Variants in DYSF observed in about 807,000 individuals in gnomAD.
DYSF encodes the protein dysferlin.
In DYSF, 212 loss-of-function variants were observed where a neutral mutation model predicts 274.9. The observed-to-expected ratio is 0.77, with a 90% CI of 0.69 to 0.86. DYSF has a LOEUF of 0.86. DYSF is among the 40% of genes least tolerant of loss of function. The probability of loss-of-function intolerance (pLI) is 0.00; values close to 1 mark genes in which losing one functional copy is unlikely to be tolerated. For missense variants in DYSF, 2,666 were observed against 2,783.2 expected, an observed-to-expected ratio of 0.96 and a Z score of 0.95; for synonymous variants, 1,091 against 1,078.7, an observed-to-expected ratio of 1.01 and a Z score of -0.22.
Position 71,539,143 on chromosome 2 carries a change from C to G in DYSF, c.1494-14C>G, listed in dbSNP as rs2089674637. ...CTTTCCTGTGTTCAGGCCCTCTCTG[C>G]TCCCTTGCTCTAGGGACCGCCTGAC... On this transcript the variant is annotated splice_polypyrimidine_tract_variant and intron_variant, in intron 16 of 55. Coordinates refer to ENST00000410020, the MANE Select transcript of DYSF (RefSeq NM_001130987.2). 6.2e-7 allele frequency: 1 copy of G among 1,613,090 alleles called. No homozygotes were observed. Among genetic ancestry groups the G allele is most frequent in the East Asian group, 2.2e-5 (1 of 44,870 alleles).
chr2:71,513,170 C>A (rs2086274629), intron 5 of DYSF, 70 bp from the exon 6 acceptor site: 1 of 1,403,842 alleles, frequency 7.1e-7, no homozygotes, highest in East Asian at 2.5e-5. Context: ...GATGGAGGTG[C>A]AGTAGGTTGG....
intron 3 of DYSF, among the ~76,000 whole-genome samples, chr2:71,494,377 G>T (rs958285976): frequency 3.9e-5 from 6 of 152,154 alleles, no homozygotes; most frequent in African/African-American, 2.4e-5. Context: ...TCAAGGTGTT[G>T]TCTGATTTTT....
chr2:71,455,402 G>A (rs1220644562), intron 1 of DYSF, among the ~76,000 whole-genome samples: 1 of 152,214 alleles, frequency 6.6e-6, no homozygotes, highest in African/African-American at 2.4e-5. Flanking sequence ...GGGGGTGGCT[G>A]TGGCACTCCA....
intron 2 of DYSF, among the ~76,000 whole-genome samples, 185 bp from the exon 3 acceptor site, chr2:71,481,694 C>CCA (rs1487129385): frequency 2.9e-3 from 393 of 137,582 alleles, no homozygotes; most frequent in Non-Finnish European, 3.8e-3. Flanking sequence ...TGGTCTTCAT[C>CCA]TATCCATCCA....
intron 34 of DYSF, 26 bp from the exon 35 acceptor site, chr2:71,601,473 C>T: frequency 6.2e-7 from 1 of 1,614,124 alleles, no homozygotes; most frequent in South Asian, 1.1e-5. Flanking sequence ...AAGCACATGA[C>T]CAGAGCTCTC....
intron 20 of DYSF, 55 bp from the exon 21 acceptor site, chr2:71,553,752 A>AAAACACCCC: frequency 3.7e-6 from 1 of 267,802 alleles, no homozygotes; most frequent in Non-Finnish European, 6.7e-6. Context: ...TTAGCACCCC[A>AAAACACCCC]TCCCACCCGC....
chr2:71,587,383 G>C (rs1380266504), intron 30 of DYSF, among the ~76,000 whole-genome samples: 1 of 152,206 alleles, frequency 6.6e-6, no homozygotes, highest in Non-Finnish European at 1.5e-5. Flanking sequence ...GCTCTTGCTG[G>C]TTTGCTTGAT....
rs1016157259 is a variant in DYSF at position 71,665,865 on chromosome 2, C to T, written c.5317+561C>T. On this transcript the variant is annotated intron_variant, in intron 47 of 55. Coordinates refer to ENST00000410020, the MANE Select transcript of DYSF (RefSeq NM_001130987.2). ...GCTGAGAATCCCGCCACATGCTCTC[C>T]GTGTGTCTGAGATGCCCGCAGGCCT... Among the ~76,000 whole-genome samples the T allele has an allele frequency of 1.4e-3, 214 of 151,978 alleles. 1 individual carries two copies. Among genetic ancestry groups the T allele is most frequent in the Non-Finnish European group, 5.7e-4 (39 of 67,956 alleles).
Position 71,496,778 on chromosome 2 carries a change from G to A in DYSF, c.240-6436G>A, listed in dbSNP as rs370306886. Among the ~76,000 whole-genome samples, 8 of 152,204 alleles carry A rather than the reference G, an allele frequency of 5.3e-5. No individual in the cohort carries two copies. In the East Asian group the frequency reaches 9.6e-4, roughly 18 times the overall value. On this transcript the variant is annotated intron_variant, in intron 3 of 55. Transcript: ENST00000410020. The stretch of plus-strand genomic sequence containing the variant: ...CAAGGTCAACAAGGCTCCAGATGTC[G>A]AAGCATCAGAAATACAAAAAACATA...
In DYSF at chr2:71,683,792, C is replaced by T. The variant is rs145645220; in HGVS notation, c.6321+1115C>T. ...GCTTGGGGAACTGCCCCCAGGTGAG[C>T]TCTTTGCTCTGTGAGTCCTCCAGGA... On this transcript the variant is annotated intron_variant, in intron 55 of 55. Transcript: ENST00000410020. 8.0e-3 allele frequency among the ~76,000 whole-genome samples: 1,226 copies of T among 152,366 alleles called. 8 individuals are homozygous for T. The highest frequency in any genetic ancestry group is 0.019 in the African/African-American group (796 of 41,592).
intron 22 of DYSF, among the ~76,000 whole-genome samples, chr2:71,560,166 G>T (rs375733065): frequency 3.3e-5 from 5 of 152,348 alleles, no homozygotes; most frequent in African/African-American, 1.2e-4. Flanking sequence ...CTTTCCTGAG[G>T]AGGGAAAGAG....
chr2:71,459,617 C>T (rs897466648), intron 1 of DYSF, among the ~76,000 whole-genome samples: 6 of 152,090 alleles, frequency 3.9e-5, no homozygotes, highest in African/African-American at 1.4e-4. Context: ...ACGGAAAAGT[C>T]TTCTAATATT....
intron 5 of DYSF, 65 bp from the exon 6 acceptor site, chr2:71,513,175 G>A (rs941808104): frequency 2.2e-5 from 33 of 1,468,060 alleles, no homozygotes; most frequent in Non-Finnish European, 3.1e-5. Context: ...AGGTGCAGTA[G>A]GTTGGTTTCC....
At chr2:71,571,825 A>C (rs1297060538) in intron 29 of DYSF, among the ~76,000 whole-genome samples, 4 of 132,206 alleles carry the variant, frequency 3.0e-5, no homozygotes, top group African/African-American at 1.2e-4. Flanking sequence ...GCACACACAC[A>C]TCACACCCAG....
At chr2:71,527,794 TATAA>T (rs1236892076) in intron 13 of DYSF, among the ~76,000 whole-genome samples, 5 of 152,136 alleles carry the variant, frequency 3.3e-5, no homozygotes, top group African/African-American at 1.2e-4. Flanking sequence ...TATCTACATA[TATAA>T]ATAATCTGGC....
At chr2:71,490,127 G>C (rs2083706920) in intron 3 of DYSF, among the ~76,000 whole-genome samples, 1 of 152,100 alleles carries the variant, frequency 6.6e-6, no homozygotes, top group African/African-American at 2.4e-5. Context: ...GTGTGCACTA[G>C]CATTGCATAA....
At chr2:71,525,280 A>G (rs533540525) in intron 12 of DYSF, among the ~76,000 whole-genome samples, 8 of 152,178 alleles carry the variant, frequency 5.3e-5, no homozygotes, top group African/African-American at 1.7e-4. Flanking sequence ...GCTGGAGTGC[A>G]GTGGTGCAAT....
chr2:71,535,028 G>T lies in DYSF; in HGVS notation c.1388G>T (p.Ser463Ile), dbSNP rs1553535807. Residue 463 changes from serine to isoleucine, a missense_variant, in exon 15 of 56, where the codon AGC (serine) becomes ATC (isoleucine). Coordinates refer to ENST00000410020, the MANE Select transcript of DYSF (RefSeq NM_001130987.2). ...EVSFAGKMLC[S>I]KILEKTANPQ... is the part of the protein sequence containing the mutation. ...CCTCCCTGTGTCTTCTAGCTGTGCA[G>T]CAAGATCTTGGAGAAGACGGCCAAC... The T allele has an allele frequency of 6.2e-7, 1 of 1,614,214 alleles. No homozygotes were observed. The highest frequency in any genetic ancestry group is 8.5e-7 in the Non-Finnish European group (1 of 1,180,034).
intron 17 of DYSF, among the ~76,000 whole-genome samples, chr2:71,542,699 T>G (rs1181441012): frequency 6.6e-6 from 1 of 152,164 alleles, no homozygotes; most frequent in Non-Finnish European, 1.5e-5. Flanking sequence ...GGTAAGGTCA[T>G]AGATCAACAG....
Sources: gnomAD v4.1 joint callset for allele counts (sites outside exome capture counted in the v4.1 genomes callset) on GRCh38, gnomAD v4.1.1 for gene constraint, MANE v1.5 for transcripts, NCBI Gene and HGNC (gene_info 2026-07-23, HGNC 2026-07-21) for gene names.